SLC12A5: variants seen among roughly 807,000 people sequenced by gnomAD.
The protein encoded by SLC12A5 is solute carrier family 12 member 5, also known as K-Cl cotransporter 2.
Under a neutral mutation model 124.0 loss-of-function variants are expected in SLC12A5, and 18 were observed. The observed-to-expected ratio is 0.15, with a 90% CI of 0.10 to 0.22. The LOEUF is 0.22. Among genes scored for constraint, SLC12A5 ranks in the 10% least tolerant of loss-of-function variants. The pLI is 1.00. For synonymous variants in SLC12A5, 589 were observed against 568.0 expected, an observed-to-expected ratio of 1.04 and a Z score of -0.53; for missense variants, 867 against 1,478.7, an observed-to-expected ratio of 0.59 and a Z score of 6.78.
chr20:46,042,182 G>A (rs534595422), intron 8 of SLC12A5, among the ~76,000 whole-genome samples: 1 of 152,328 alleles, frequency 6.6e-6, no homozygotes, highest in South Asian at 2.1e-4. Context: ...AGGCTGGCAT[G>A]AGCCAGATCA....
chr20:46,035,553 T>G lies in SLC12A5; in HGVS notation c.279+18T>G, dbSNP rs755778796. On this transcript the variant is annotated intron_variant, in intron 3 of 25. Transcript: ENST00000243964. ...CGGTGCAGGTGAGGACCTCGGGGGA[T>G]GAGAAATGGAAGAAAAGGGACGGAT... is the stretch of plus-strand genomic sequence containing the variant. The G allele has an allele frequency of 1.9e-6, 3 of 1,550,638 alleles. No homozygotes were observed. Among genetic ancestry groups the G allele is most frequent in the Non-Finnish European group, 2.6e-6 (3 of 1,146,678 alleles).
Position 46,047,549 on chromosome 20 carries a change from T to G in SLC12A5, c.1883T>G (p.Ile628Ser). 6.2e-7 allele frequency: 1 copy of G among 1,613,864 alleles called. No individual in the cohort carries two copies. The highest frequency in any genetic ancestry group is 8.5e-7 in the Non-Finnish European group (1 of 1,179,874). The change falls in exon 15 of 26, where the codon ATC (isoleucine) becomes AGC (serine). Residue 628 changes from isoleucine to serine, a missense_variant. Physicochemically the swap from Ile to Ser is moderately radical, Grantham distance 142. Transcript: ENST00000243964. The part of the protein sequence containing the change: ...ALVAMLIAGL[I>S]YKYIEYRGAE... ...GTAGCCATGCTCATTGCTGGACTCA[T>G]CTACAAGTACATTGAGTACCGTGGG...
rs775276571 is a variant in SLC12A5, at chr20:46,043,211, C to T, written c.1125C>T (p.Thr375=). 32 of 1,613,928 alleles carry T rather than the reference C, an allele frequency of 2.0e-5. No individual in the cohort carries two copies. The highest frequency in any genetic ancestry group is 2.6e-5 in the Non-Finnish European group (31 of 1,179,996). ...KGVIVERSGM[T]SVGLADGTPI... ...TGATTGTGGAGAGGAGTGGGATGAC[C>T]TCGGTGGGCCTGGCCGATGGCACTC... The change falls in exon 9 of 26, where the codon ACC becomes ACT. Residue 375 remains threonine, a synonymous_variant. Transcript: ENST00000243964.
intron 17 of SLC12A5, among the ~76,000 whole-genome samples, chr20:46,050,617 T>C (rs1042772849): frequency 1.3e-5 from 2 of 152,212 alleles, no homozygotes; most frequent in African/African-American, 4.8e-5. Flanking sequence ...TTCACACTGA[T>C]CTGTCAGGGC....
Position 46,029,245 on chromosome 20 carries a change from G to A in SLC12A5, c.-100G>A, listed in dbSNP as rs930693517. 8 of 1,462,254 alleles carry A rather than the reference G, an allele frequency of 5.5e-6. No individual in the cohort carries two copies. Among genetic ancestry groups the A allele is most frequent in the African/African-American group, 1.4e-5 (1 of 69,304 alleles). The allele number at this position is 1,462,254 out of a possible 1,614,324, so 90.6% of individuals were successfully genotyped here. A position where few individuals can be genotyped will look rare whatever the true frequency, so the allele number is the denominator to read the frequency against. The stretch of plus-strand genomic sequence containing the variant: ...AGCTTCTTCCTCCGTGGAGCGGAGA[G>A]CGAGACAGAGCTACAGCGAACGAGA... On this transcript the variant is annotated 5_prime_UTR_variant, in exon 1 of 26. Coordinates refer to ENST00000243964, the MANE Select transcript of SLC12A5 (RefSeq NM_020708.5).
intron 1 of SLC12A5, among the ~76,000 whole-genome samples, chr20:46,030,059 C>T (rs2084435211): frequency 6.6e-6 from 1 of 152,046 alleles, no homozygotes; most frequent in South Asian, 2.1e-4. Flanking sequence ...CAAGGTCCGA[C>T]CTCAGACTGA....
intron 8 of SLC12A5, among the ~76,000 whole-genome samples, chr20:46,042,514 C>G (rs370696292): frequency 6.6e-6 from 1 of 151,616 alleles, no homozygotes; most frequent in South Asian, 2.1e-4. Flanking sequence ...TGTCTGCAGA[C>G]GTTTTTGGTT....
Position 46,048,098 on chromosome 20 carries a change from G to T in SLC12A5, c.2012+13G>T. The T allele has an allele frequency of 6.2e-7, 1 of 1,602,746 alleles. No individual in the cohort carries two copies. Among genetic ancestry groups the T allele is most frequent in the Non-Finnish European group, 8.5e-7 (1 of 1,173,716 alleles). ...CCAAGAACTGGAGGTTAGTGGTGAG[G>T]GCACGGGTGTGCATAAGAGTGTGTG... On this transcript the variant is annotated intron_variant, in intron 16 of 25. Coordinates refer to ENST00000243964, the MANE Select transcript of SLC12A5 (RefSeq NM_020708.5).
chr20:46,030,221 C>T (rs1030319336), intron 1 of SLC12A5, among the ~76,000 whole-genome samples: 1 of 142,974 alleles, frequency 7.0e-6, no homozygotes. Flanking sequence ...CAGGGCGGGG[C>T]GGGGGGGAGT....
Position 46,056,874 on chromosome 20 carries a change from T to C in SLC12A5, c.3111-23T>C. ...ACTCTGCTCTTTTTCTTTCTCTCTTTGCATCTCTTGTGTTTCCTGAAGGGA... is the reference window on the plus strand; with the variant it reads ...ACTCTGCTCTTTTTCTTTCTCTCTTCGCATCTCTTGTGTTTCCTGAAGGGA... On this transcript the variant is annotated intron_variant, in intron 23 of 25. Coordinates refer to ENST00000243964, the MANE Select transcript of SLC12A5 (RefSeq NM_020708.5). The surrounding 1 kb of genome is among the most constrained non-coding windows in gnomAD (Gnocchi z 4.3). The C allele has an allele frequency of 6.2e-7, 1 of 1,612,806 alleles. No individual in the cohort carries two copies. Among genetic ancestry groups the C allele is most frequent in the South Asian group, 1.1e-5 (1 of 91,066 alleles).
chr20:46,029,307 G>A lies in SLC12A5; in HGVS notation c.-38G>A. Reference sequence around the variant, plus strand: ...GCGGGTAGAGGGGCGCGGGCGAGGCGGCGCAGCCATCCCCGGACCAGGGGC... The same window carrying A: ...GCGGGTAGAGGGGCGCGGGCGAGGCAGCGCAGCCATCCCCGGACCAGGGGC... On this transcript the variant is annotated 5_prime_UTR_variant, in exon 1 of 26. Coordinates refer to ENST00000243964, the MANE Select transcript of SLC12A5 (RefSeq NM_020708.5). 1.3e-6 allele frequency: 2 copies of A among 1,519,532 alleles called. No individual in the cohort carries two copies. Among genetic ancestry groups the A allele is most frequent in the Non-Finnish European group, 1.8e-6 (2 of 1,134,108 alleles). 94.1% of individuals were successfully genotyped at this position (1,519,532 alleles called of 1,614,324 possible).
At chr20:46,023,563 A>G (rs2084373535) in exon 3 of SLC12A5, 1 of 398,192 alleles carries the variant, frequency 2.5e-6, no homozygotes, top group East Asian at 3.6e-5. Context: ...CACTTGCAAA[A>G]TAAAGGCCAA....
chr20:46,045,002 C>T lies in SLC12A5; in HGVS notation c.1431C>T (p.Gly477=), dbSNP rs538711126. 1.7e-4 allele frequency: 282 copies of T among 1,614,186 alleles called. 2 individuals carry two copies. The Admixed American group carries it at 4.5e-3, about 26-fold the overall frequency. Residue 477 remains glycine, a synonymous_variant, in exon 12 of 26, where the codon GGC becomes GGT. Transcript: ENST00000243964. This position sits in a 1 kb window ranked among gnomAD's most constrained non-coding sequence, Gnocchi z 4.9. The stretch of plus-strand genomic sequence containing the variant: ...CTGTGAATGGCAACCTCGTGGTGGG[C>T]ACTCTGGCCTGGCCATCTCCATGGG... The part of the protein sequence containing the change: ...GEAVNGNLVV[G]TLAWPSPWVI...
At chr20:46,024,083 C>A (rs375813139), downstream of SLC12A5, among the ~76,000 whole-genome samples, 2 of 152,168 alleles carry the variant, frequency 1.3e-5, no homozygotes, top group East Asian at 3.9e-4. Flanking sequence ...AACACAGCCC[C>A]CAAGCTTTGG....
At chr20:46,040,871 A>C in intron 7 of SLC12A5, 1 of 544,886 alleles carries the variant, frequency 1.8e-6, no homozygotes, top group Non-Finnish European at 3.2e-6. Context: ...GGAAGAATTA[A>C]GTGGGAATGA....
chr20:46,037,408 T>A (rs1275385797), intron 6 of SLC12A5, 23 bp downstream of exon 6: 1 of 1,594,110 alleles, frequency 6.3e-7, no homozygotes, highest in South Asian at 1.1e-5. Context: ...GAGGAGGAGG[T>A]GTGGAACCCC....
upstream of SLC12A5, among the ~76,000 whole-genome samples, chr20:46,025,428 G>T (rs1007575120): frequency 6.6e-6 from 1 of 152,232 alleles, no homozygotes; most frequent in African/African-American, 2.4e-5. Flanking sequence ...TTATGAACGG[G>T]GCTGCAGTTG....
exon 2 of SLC12A5, chr20:46,022,984 G>GAGGAGGAGGACGAGGAGA: frequency 2.6e-6 from 1 of 384,806 alleles, no homozygotes; most frequent in African/African-American, 2.3e-5. Context: ...GGAAGAGGAG[G>GAGGAGGAGGACGAGGAGA]AGGAGGAAGA....
chr20:46,032,027 C>T (rs2084455891), intron 1 of SLC12A5, among the ~76,000 whole-genome samples: 1 of 152,264 alleles, frequency 6.6e-6, no homozygotes, highest in Non-Finnish European at 1.5e-5. Flanking sequence ...GGCGTCCCGC[C>T]CAGGCAGCTA....
Sources: allele counts gnomAD v4.1 joint callset (sites outside exome capture counted in the v4.1 genomes callset), GRCh38; gene constraint gnomAD v4.1.1; non-coding constraint Gnocchi (gnomAD v3.1); transcripts MANE v1.5; gene names NCBI Gene and HGNC (gene_info 2026-07-23, HGNC 2026-07-21).